PLEKHG1: variants seen among roughly 807,000 people sequenced by gnomAD.
PLEKHG1 encodes pleckstrin homology domain-containing family G member 1.
A neutral mutation model predicts 100.8 loss-of-function variants in PLEKHG1; 44 were observed. The observed-to-expected ratio is 0.44, with a 90% CI of 0.34 to 0.56. The LOEUF (loss-of-function observed/expected upper bound fraction) is 0.56, where lower values mean the gene tolerates loss of function less well. PLEKHG1 is among the 20% of genes least tolerant of loss of function. PLEKHG1 has a pLI of 0.01. For synonymous variants in PLEKHG1, 640 were observed against 662.5 expected, an observed-to-expected ratio of 0.97 and a Z score of 0.52; for missense variants, 1,545 against 1,720.9, an observed-to-expected ratio of 0.90 and a Z score of 1.81.
intron 13 of PLEKHG1, among the ~76,000 whole-genome samples, chr6:150,822,885 C>G (rs983683471): frequency 2.6e-5 from 4 of 152,174 alleles, no homozygotes; most frequent in Non-Finnish European, 4.4e-5. Context: ...GAGGCTGAGA[C>G]ACAAGAATCG....
chr6:150,699,530 G>C (rs78228054), intron 3 of PLEKHG1, among the ~76,000 whole-genome samples: 2 of 152,172 alleles, frequency 1.3e-5, no homozygotes, highest in Admixed American at 6.5e-5. Context: ...CCTTTGCCCT[G>C]CCTATATGCC....
chr6:150,751,463 A>G (rs759935167), intron 2 of PLEKHG1, among the ~76,000 whole-genome samples: 52 of 152,170 alleles, frequency 3.4e-4, no homozygotes, highest in Non-Finnish European at 6.9e-4. Context: ...TCTACTGATG[A>G]CTAGCGATGG....
At chr6:150,614,256 A>G (rs146620326) in intron 1 of PLEKHG1, among the ~76,000 whole-genome samples, 7 of 152,222 alleles carry the variant, frequency 4.6e-5, no homozygotes, top group Admixed American at 3.9e-4. Flanking sequence ...ACCTGACTCT[A>G]TTGCCTCAGA....
chr6:150,660,262 G>C (rs1253830354), intron 3 of PLEKHG1, among the ~76,000 whole-genome samples: 2 of 152,056 alleles, frequency 1.3e-5, no homozygotes, highest in Non-Finnish European at 2.9e-5. Context: ...TTAAAACTAA[G>C]TAATTTTACT....
chr6:150,814,876 C>T (rs757880994), intron 10 of PLEKHG1, among the ~76,000 whole-genome samples: 23 of 152,108 alleles, frequency 1.5e-4, no homozygotes, highest in Admixed American at 4.6e-4. Flanking sequence ...CACACCACCA[C>T]ACCTGGCTAA....
chr6:150,839,477 C>T (rs1294962438), intron 15 of PLEKHG1, among the ~76,000 whole-genome samples: 1 of 152,124 alleles, frequency 6.6e-6, no homozygotes, highest in Non-Finnish European at 1.5e-5. Flanking sequence ...GAAGTGCTGA[C>T]TTTCTTACTT....
intron 3 of PLEKHG1, among the ~76,000 whole-genome samples, chr6:150,656,866 A>G (rs752115460): frequency 2.0e-5 from 3 of 152,134 alleles, no homozygotes; most frequent in Non-Finnish European, 2.9e-5. Flanking sequence ...TTGGAGGACA[A>G]AGTTCTATAC....
intron 1 of PLEKHG1, among the ~76,000 whole-genome samples, chr6:150,611,824 A>G (rs977230249): frequency 7.9e-5 from 12 of 151,966 alleles, no homozygotes; most frequent in African/African-American, 2.4e-4. Flanking sequence ...AAAAAAAAAA[A>G]AAAGAAAGAA....
chr6:150,685,865 T>C (rs1780112423), intron 3 of PLEKHG1, among the ~76,000 whole-genome samples: 1 of 152,176 alleles, frequency 6.6e-6, no homozygotes, highest in East Asian at 1.9e-4. Context: ...AAGAGTGAAA[T>C]CAGGCATGGA....
intron 3 of PLEKHG1, among the ~76,000 whole-genome samples, chr6:150,775,417 C>A (rs1246376467): frequency 6.6e-6 from 1 of 152,190 alleles, no homozygotes; most frequent in Non-Finnish European, 1.5e-5. Context: ...AAGCTCTCTC[C>A]TTCCCTCAGA....
At position 150,831,806 on chromosome 6, in the gene PLEKHG1, C is replaced by G. The variant is rs118013671; in HGVS notation, c.2695C>G (p.Leu899Val). ...GCTGTCCCTGCCTGAGAGCCAGGCTCTCCTCACGCCCGTGAAGAGCAGGGC... is the reference window on the plus strand; with the variant it reads ...GCTGTCCCTGCCTGAGAGCCAGGCTGTCCTCACGCCCGTGAAGAGCAGGGC... Residue 899 changes from leucine (L) to valine (V), a missense_variant, in exon 15 of 16, where the codon CTC becomes GTC. Leu to Val is a conservative substitution (Grantham distance 32). Coordinates refer to ENST00000358517, the Ensembl canonical transcript of PLEKHG1. The surrounding 1 kb of genome is among the most constrained non-coding windows in gnomAD (Gnocchi z 4.1). 6 of 1,611,984 alleles carry G rather than the reference C, an allele frequency of 3.7e-6. No homozygotes were observed. In the East Asian group the frequency reaches 1.1e-4, roughly 30 times the overall value.
rs767640406 is a variant in PLEKHG1, at chr6:150,831,244, C to G, written c.2133C>G (p.Gly711=). The change falls in exon 15 of 16, where the codon GGC becomes GGG. Residue 711 remains glycine, a synonymous_variant. Transcript: ENST00000358517. The surrounding 1 kb of genome is among the most constrained non-coding windows in gnomAD (Gnocchi z 4.1). ...AGAGGCAAGCTGGCCACAGTAAGGG[C>G]TCTCTTTACGCACAAACAGATGGCA... 7.4e-6 allele frequency: 12 copies of G among 1,614,010 alleles called. No homozygotes were observed. The Admixed American group carries it at 2.0e-4, about 27-fold the overall frequency.
chr6:150,751,694 G>A (rs530606535), intron 2 of PLEKHG1, among the ~76,000 whole-genome samples: 3 of 152,158 alleles, frequency 2.0e-5, no homozygotes, highest in Non-Finnish European at 2.9e-5. Context: ...AGGAGGAGGT[G>A]GATGTGACAG....
intron 2 of PLEKHG1, among the ~76,000 whole-genome samples, chr6:150,744,251 T>C (rs1783032009): frequency 1.3e-5 from 2 of 152,130 alleles, no homozygotes; most frequent in Admixed American, 1.3e-4. Context: ...ATTTTTGGTA[T>C]TTTTAGTAGA....
intron 14 of PLEKHG1, among the ~76,000 whole-genome samples, chr6:150,829,298 C>T (rs1214214900): frequency 6.6e-6 from 1 of 152,162 alleles, no homozygotes; most frequent in Non-Finnish European, 1.5e-5. Context: ...TATAAAAGAC[C>T]TCATTGTTTT....
chr6:150,674,684 C>A (rs3072701), intron 3 of PLEKHG1, among the ~76,000 whole-genome samples: 119 of 73,394 alleles, frequency 1.6e-3, no homozygotes, highest in Non-Finnish European at 2.6e-3. Flanking sequence ...TCTCTCTCTC[C>A]CCCCTCTTCT....
At chr6:150,779,270 G>A (rs1402036356) in intron 3 of PLEKHG1, among the ~76,000 whole-genome samples, 4 of 151,168 alleles carry the variant, frequency 2.6e-5, no homozygotes, top group East Asian at 2.0e-4. Flanking sequence ...AAGTCCACTC[G>A]TGAGATGAAA....
intron 2 of PLEKHG1, among the ~76,000 whole-genome samples, chr6:150,738,110 A>C (rs181668456): frequency 3.2e-3 from 493 of 152,232 alleles, no homozygotes; most frequent in Non-Finnish European, 5.2e-3. Flanking sequence ...CACTGAGCCC[A>C]GCCTTAGCTG....
intron 10 of PLEKHG1, among the ~76,000 whole-genome samples, chr6:150,815,219 T>TCC (rs2128674076): frequency 6.6e-6 from 1 of 152,328 alleles, no homozygotes; most frequent in South Asian, 2.1e-4. Context: ...AAGAAATGTA[T>TCC]CACCAGTCTA....
Sources: allele counts gnomAD v4.1 joint callset (sites outside exome capture counted in the v4.1 genomes callset), GRCh38; gene constraint gnomAD v4.1.1; non-coding constraint Gnocchi (gnomAD v3.1); transcripts MANE v1.5; gene names NCBI Gene and HGNC (gene_info 2026-07-23, HGNC 2026-07-21).